Variants in RPS21 observed in about 807,000 individuals in gnomAD.
RPS21 encodes ribosomal protein S21, also known as small ribosomal subunit protein eS21.
RPS21 carries 6 observed loss-of-function variants against 14.5 expected under a neutral mutation model. The observed-to-expected ratio is 0.41, with a 90% CI of 0.23 to 0.82. The LOEUF (loss-of-function observed/expected upper bound fraction) is 0.82. Ranked by LOEUF, RPS21 falls within the 40% of genes least tolerant of loss-of-function variation. RPS21 has a pLI of 0.31. For missense variants in RPS21, 85 were observed against 115.0 expected, an observed-to-expected ratio of 0.74 and a Z score of 1.19; for synonymous variants, 61 against 42.6, an observed-to-expected ratio of 1.43 and a Z score of -1.69.
chr20:62,387,132 A>C lies in RPS21; in HGVS notation c.-23A>C. ...TCTCTCTCGCGCGCGGTGTGGTGGC[A>C]GCAGGTGTGGCGCGCGGCGCGGGCT... On this transcript the variant is annotated 5_prime_UTR_variant, in exon 1 of 6. Transcript: ENST00000343986. The C allele has an allele frequency of 2.1e-6, 1 of 486,688 alleles. No homozygotes were observed. Among genetic ancestry groups the C allele is most frequent in the Non-Finnish European group, 3.6e-6 (1 of 278,092 alleles). 30.1% of individuals were successfully genotyped at this position (486,688 alleles called of 1,614,324 possible).
In RPS21 at chr20:62,387,130, G is replaced by T; in HGVS notation, c.-25G>T. On this transcript the variant is annotated 5_prime_UTR_variant, in exon 1 of 6. Coordinates refer to ENST00000343986, the MANE Select transcript of RPS21 (RefSeq NM_001024.4). ...TTTCTCTCTCGCGCGCGGTGTGGTG[G>T]CAGCAGGTGTGGCGCGCGGCGCGGG... 2.1e-6 allele frequency: 1 copy of T among 482,840 alleles called. No homozygotes were observed. Among genetic ancestry groups the T allele is most frequent in the Non-Finnish European group, 3.6e-6 (1 of 275,750 alleles). The allele number at this position is 482,840 out of a possible 1,614,324, so 29.9% of individuals were successfully genotyped here. A position where few individuals can be genotyped will look rare whatever the true frequency, so the allele number is the denominator to read the frequency against.
chr20:62,387,725 G>A (rs572593832), intron 3 of RPS21, 51 bp downstream of exon 3: 5 of 1,614,154 alleles, frequency 3.1e-6, no homozygotes, highest in South Asian at 1.1e-5. Context: ...GTGCGGGAAA[G>A]GCAGGCTGTC....
In RPS21 at chr20:62,387,378, C is replaced by T; in HGVS notation, c.40C>T (p.Pro14Ser). ...CGGCGAGTTCGTGGACCTGTACGTG[C>T]CGCGGAAATGGTAAGCGCCCCCCAC... Reference protein sequence around the residue: ...DAGEFVDLYVPRKCSASNRII... With the variant: ...DAGEFVDLYVSRKCSASNRII... Residue 14 changes from proline to serine, a missense_variant, in exon 2 of 6, where the codon CCG becomes TCG. By Grantham distance (74) the Pro-to-Ser change is moderately conservative (BLOSUM62 -1). Transcript: ENST00000343986. 1.2e-6 allele frequency: 2 copies of T among 1,608,434 alleles called. No homozygotes were observed. Among genetic ancestry groups the T allele is most frequent in the Non-Finnish European group, 1.7e-6 (2 of 1,177,666 alleles).
intron 4 of RPS21, 118 bp downstream of exon 4, chr20:62,388,032 G>C (rs142388973): frequency 6.3e-7 from 1 of 1,585,758 alleles, no homozygotes; most frequent in Non-Finnish European, 8.6e-7. Flanking sequence ...GAGCCAGCTG[G>C]ACTGGGCTGG....
At position 62,388,321 on chromosome 20, in the gene RPS21, G is replaced by T; in HGVS notation, c.199G>T (p.Asp67Tyr). 6.3e-7 allele frequency: 1 copy of T among 1,588,710 alleles called. No individual in the cohort carries two copies. The highest frequency in any genetic ancestry group is 8.5e-7 in the Non-Finnish European group (1 of 1,172,940). Residue 67 changes from aspartate (D) to tyrosine (Y), a missense_variant, in exon 5 of 6, where the codon GAT (aspartate) becomes TAT (tyrosine). Transcript: ENST00000343986. ...GAIRRMGESDDSILRLAKADG... is the reference protein window; with the variant it reads ...GAIRRMGESDYSILRLAKADG... ...TTTTTTTCTTAAGGGTGAGTCAGAT[G>T]ATTCCATTCTCCGATTGGCCAAGGC...
intron 4 of RPS21, 179 bp from the exon 5 acceptor site, chr20:62,388,130 C>T: frequency 2.7e-6 from 4 of 1,500,066 alleles, no homozygotes; most frequent in Non-Finnish European, 3.6e-6. Context: ...AGGTGCCCCC[C>T]CGACCCCGCT....
At position 62,387,901 on chromosome 20, in the gene RPS21, C is replaced by T. The variant is rs1320699661; in HGVS notation, c.173C>T (p.Ala58Val). The part of the protein sequence containing the change: ...GQFKTYAICG[A>V]IRRMGESDDS... ...TTTAAAACTTATGCTATCTGCGGGG[C>T]CATTCGTAGGATGGTGAGTGTTTCC... Residue 58 changes from alanine (A) to valine (V), a missense_variant, in exon 4 of 6, where the codon GCC becomes GTC. By Grantham distance (64) the Ala-to-Val change is moderately conservative. Coordinates refer to ENST00000343986, the MANE Select transcript of RPS21 (RefSeq NM_001024.4). 2 of 1,614,202 alleles carry T rather than the reference C, an allele frequency of 1.2e-6. No homozygotes were observed. Among genetic ancestry groups the T allele is most frequent in the Admixed American group, 3.3e-5 (2 of 60,028 alleles).
Position 62,387,684 on chromosome 20 carries a change from G to T in RPS21, c.114+10G>T. On this transcript the variant is annotated intron_variant, in intron 3 of 5. Transcript: ENST00000343986. ...GATGAACGTGGCCGAGGTGAGCTGGGAGCCCGGGAGGCGGGAAGGTTGTGA... is the reference window on the plus strand; with the variant it reads ...GATGAACGTGGCCGAGGTGAGCTGGTAGCCCGGGAGGCGGGAAGGTTGTGA... 1 of 1,614,142 alleles carries T rather than the reference G, an allele frequency of 6.2e-7. No homozygotes were observed. The highest frequency in any genetic ancestry group is 8.5e-7 in the Non-Finnish European group (1 of 1,180,032).
At chr20:62,387,556 C>G in intron 2 of RPS21, 55 bp from the exon 3 acceptor site, 1 of 1,592,848 alleles carries the variant, frequency 6.3e-7, no homozygotes, top group Non-Finnish European at 8.6e-7. Flanking sequence ...CCCTCGTCCC[C>G]TCTTTCATTC....
intron 3 of RPS21, 55 bp downstream of exon 3, chr20:62,387,729 G>C (rs913446999): frequency 8.1e-6 from 13 of 1,613,982 alleles, no homozygotes; most frequent in Non-Finnish European, 1.7e-6. Flanking sequence ...GGGAAAGGCA[G>C]GCTGTCCCAT....
intron 5 of RPS21, 46 bp downstream of exon 5, chr20:62,388,410 T>G: frequency 6.2e-7 from 1 of 1,613,518 alleles, no homozygotes; most frequent in South Asian, 1.1e-5. Flanking sequence ...GGACTAGGAC[T>G]GCTCCAGAGG....
At position 62,387,621 on chromosome 20, in the gene RPS21, A is replaced by C. The variant is rs775104971; in HGVS notation, c.61A>C (p.Asn21His). The C allele has an allele frequency of 5.6e-6, 9 of 1,612,936 alleles. No individual in the cohort carries two copies. Among genetic ancestry groups the C allele is most frequent in the Non-Finnish European group, 7.6e-6 (9 of 1,179,186 alleles). Residue 21 changes from asparagine (N) to histidine (H), a missense_variant, in exon 3 of 6, where the codon AAT becomes CAT. Physicochemically the swap from Asn to His is moderately conservative, Grantham distance 68 (BLOSUM62 1). Transcript: ENST00000343986. ...GCCCTTTCTCCACAGCTCCGCTAGCAATCGCATCATCGGTGCCAAGGACCA... is the reference window on the plus strand; with the variant it reads ...GCCCTTTCTCCACAGCTCCGCTAGCCATCGCATCATCGGTGCCAAGGACCA... ...LYVPRKCSAS[N>H]RIIGAKDHAS... is the part of the protein sequence containing the mutation.
Position 62,387,902 on chromosome 20 carries a change from C to T in RPS21, c.174C>T (p.Ala58=), listed in dbSNP as rs777276498. 2 of 1,614,224 alleles carry T rather than the reference C, an allele frequency of 1.2e-6. No homozygotes were observed. Among genetic ancestry groups the T allele is most frequent in the Admixed American group, 1.7e-5 (1 of 60,026 alleles). Residue 58 remains alanine (A), a synonymous_variant, in exon 4 of 6, where the codon GCC becomes GCT. Transcript: ENST00000343986. ...TTAAAACTTATGCTATCTGCGGGGC[C>T]ATTCGTAGGATGGTGAGTGTTTCCC... The part of the protein sequence containing the change: ...GQFKTYAICG[A]IRRMGESDDS...
intron 4 of RPS21, 72 bp downstream of exon 4, chr20:62,387,986 G>T (rs1987801087): frequency 1.2e-6 from 2 of 1,613,806 alleles, no homozygotes; most frequent in African/African-American, 2.7e-5. Flanking sequence ...TGGAGTGTGT[G>T]ATGGTGCCTG....
chr20:62,388,423 T>A (rs777014874), intron 5 of RPS21, 34 bp from the exon 6 acceptor site: 1 of 1,613,732 alleles, frequency 6.2e-7, no homozygotes, highest in Non-Finnish European at 8.5e-7. Context: ...TCCAGAGGCG[T>A]GGTCTTAACG....
Position 62,387,106 on chromosome 20 carries a change from T to G in RPS21, c.-49T>G, listed in dbSNP as rs1371314832. 2 of 467,664 alleles carry G rather than the reference T, an allele frequency of 4.3e-6. No individual in the cohort carries two copies. The highest frequency in any genetic ancestry group is 7.5e-6 in the Non-Finnish European group (2 of 267,096). 29.0% of individuals were successfully genotyped at this position (467,664 alleles called of 1,614,324 possible). ...TCTGCCGGGTGACTAGCTGCTTCCT[T>G]TCTCTCTCGCGCGCGGTGTGGTGGC... On this transcript the variant is annotated 5_prime_UTR_variant, in exon 1 of 6. Coordinates refer to ENST00000343986, the MANE Select transcript of RPS21 (RefSeq NM_001024.4).
At chr20:62,387,728 A>C (rs1474399520) in intron 3 of RPS21, 54 bp downstream of exon 3, 2 of 1,614,090 alleles carry the variant, frequency 1.2e-6, no homozygotes, top group African/African-American at 2.7e-5. Flanking sequence ...CGGGAAAGGC[A>C]GGCTGTCCCA....
Position 62,388,474 on chromosome 20 carries a change from G to C in RPS21, c.*8G>C. 1 of 1,613,302 alleles carries C rather than the reference G, an allele frequency of 6.2e-7. No homozygotes were observed. Among genetic ancestry groups the C allele is most frequent in the South Asian group, 1.1e-5 (1 of 91,056 alleles). On this transcript the variant is annotated 3_prime_UTR_variant, in exon 6 of 6. Coordinates refer to ENST00000343986, the MANE Select transcript of RPS21 (RefSeq NM_001024.4). Reference sequence around the variant, plus strand: ...GGTTCTAGGAACTTTTGACTGGAGAGAATCACAGATGTGGAATATTTGTCA... The same window carrying C: ...GGTTCTAGGAACTTTTGACTGGAGACAATCACAGATGTGGAATATTTGTCA...
At chr20:62,387,777 C>T (rs780567595) in intron 3 of RPS21, 66 bp from the exon 4 acceptor site, 27 of 1,613,776 alleles carry the variant, frequency 1.7e-5, no homozygotes, top group Non-Finnish European at 2.2e-5. Flanking sequence ...CAGGCAGAGG[C>T]TGGCTTTGAG....
Sources: allele counts gnomAD v4.1 joint callset, GRCh38; gene constraint gnomAD v4.1.1; transcripts MANE v1.5; gene names NCBI Gene and HGNC (gene_info 2026-07-23, HGNC 2026-07-21).